Variants in CEP112 observed in about 807,000 individuals in gnomAD.
CEP112 encodes the protein centrosomal protein of 112 kDa.
In CEP112, 127 loss-of-function variants were observed where a neutral mutation model predicts 153.0. That is an observed-to-expected ratio of 0.83 (90% CI 0.72 to 0.96). The LOEUF is 0.96. Among genes scored for constraint, CEP112 ranks in the 40% least tolerant of loss-of-function variants. CEP112 has a pLI of 0.00. For missense variants in CEP112, 1,089 were observed against 1,101.2 expected, an observed-to-expected ratio of 0.99 and a Z score of 0.16; for synonymous variants, 358 against 374.4, an observed-to-expected ratio of 0.96 and a Z score of 0.51.
chr17:65,785,683 GA>G (rs2054242083), intron 21 of CEP112, among the ~76,000 whole-genome samples: 1 of 152,068 alleles, frequency 6.6e-6, no homozygotes. Flanking sequence ...TCATATCTAA[GA>G]ATTCTTTGCC....
intron 4 of CEP112, among the ~76,000 whole-genome samples, chr17:66,149,876 TTTTGTTTGTTTG>T (rs1157928278): frequency 0.025 from 1,816 of 71,594 alleles, 196 homozygotes; most frequent in Admixed American, 0.037. Flanking sequence ...GGGTTTTTTT[TTTTGTTTGTTTG>T]TTTTTTTTTT....
intron 8 of CEP112, among the ~76,000 whole-genome samples, chr17:66,084,043 G>A (rs1347154904): frequency 5.9e-5 from 9 of 152,146 alleles, no homozygotes; most frequent in Admixed American, 5.9e-4. Flanking sequence ...CAGAAGCCTA[G>A]AGAAAAGGCT....
chr17:66,064,344 A>G (rs2067035169), intron 10 of CEP112, among the ~76,000 whole-genome samples: 1 of 152,228 alleles, frequency 6.6e-6, no homozygotes, highest in Non-Finnish European at 1.5e-5. Flanking sequence ...AAAATGAAAT[A>G]GGTTTTAAAT....
At position 65,992,033 on chromosome 17, in the gene CEP112, AAC is replaced by A. The variant is rs1328311877; in HGVS notation, c.1736+13655_1736+13656del. ...TAGGCAATGTTCCATTAAAAAAAAAAACAAACCTAATCAAAATGAAGTTCACT... is the reference window on the plus strand; with the variant it reads ...TAGGCAATGTTCCATTAAAAAAAAAAAAACCTAATCAAAATGAAGTTCACT... On this transcript the variant is annotated intron_variant, in intron 17 of 26. Transcript: ENST00000535342. Among the ~76,000 whole-genome samples the A allele has an allele frequency of 3.3e-5, 5 of 152,156 alleles. No homozygotes were observed. The East Asian group carries it at 9.6e-4, about 29-fold the overall frequency.
chr17:65,973,789 G>A (rs1340649070), intron 17 of CEP112, among the ~76,000 whole-genome samples: 1 of 152,110 alleles, frequency 6.6e-6, no homozygotes, highest in Non-Finnish European at 1.5e-5. Context: ...CGTTTGGGGT[G>A]ATACATATGT....
intron 24 of CEP112, among the ~76,000 whole-genome samples, chr17:65,650,423 G>A (rs1477088617): frequency 6.6e-6 from 1 of 152,120 alleles, no homozygotes; most frequent in Non-Finnish European, 1.5e-5. Flanking sequence ...TGCAACCCAG[G>A]CTCCTAGCAC....
Position 66,031,529 on chromosome 17 carries a change from GCTT to G in CEP112, c.1219-1509_1219-1507del, listed in dbSNP as rs2065484827. Among the ~76,000 whole-genome samples the G allele has an allele frequency of 2.8e-5, 4 of 144,060 alleles. No individual in the cohort carries two copies. In the South Asian group the frequency reaches 8.7e-4, roughly 31 times the overall value. 94.5% of individuals were successfully genotyped at this position (144,060 alleles called of 152,430 possible). On this transcript the variant is annotated intron_variant, in intron 12 of 26. Transcript: ENST00000535342. ...GACAGGGTCTCATAGCGCAATCTTG[GCTT>G]ACTACAGCCTCAACCTCCCAGGCTC...
At chr17:66,141,674 A>C (rs889130344) in intron 4 of CEP112, among the ~76,000 whole-genome samples, 1 of 152,140 alleles carries the variant, frequency 6.6e-6, no homozygotes, top group African/African-American at 2.4e-5. Context: ...ACTCAGCAAA[A>C]GTCCTCCAGC....
intron 23 of CEP112, among the ~76,000 whole-genome samples, chr17:65,716,157 G>C (rs1320562504): frequency 2.7e-5 from 4 of 149,568 alleles, no homozygotes; most frequent in African/African-American, 9.8e-5. Flanking sequence ...TTCTTTCTTT[G>C]TTTTTTTTTT....
At chr17:66,062,395 G>C (rs942043514) in intron 11 of CEP112, among the ~76,000 whole-genome samples, 2 of 151,864 alleles carry the variant, frequency 1.3e-5, no homozygotes. Context: ...TTAGAAGAGA[G>C]GAATTTGAAT....
intron 16 of CEP112, among the ~76,000 whole-genome samples, chr17:66,013,355 A>G (rs1012282966): frequency 6.6e-6 from 1 of 152,108 alleles, no homozygotes; most frequent in African/African-American, 2.4e-5. Flanking sequence ...ATGTCCCTTC[A>G]ACCTTTGAAG....
At chr17:65,703,577 G>A (rs945367974) in intron 23 of CEP112, among the ~76,000 whole-genome samples, 8 of 149,100 alleles carry the variant, frequency 5.4e-5, no homozygotes, top group African/African-American at 2.0e-4. Flanking sequence ...CTACCCAGCT[G>A]CGAAGTCTTG....
chr17:65,834,642 T>G (rs887143555), intron 21 of CEP112, among the ~76,000 whole-genome samples: 1 of 152,046 alleles, frequency 6.6e-6, no homozygotes, highest in Non-Finnish European at 1.5e-5. Flanking sequence ...AAAACAACAA[T>G]GAGATACCAT....
intron 21 of CEP112, among the ~76,000 whole-genome samples, chr17:65,753,407 C>A (rs1294498891): frequency 6.6e-6 from 1 of 152,200 alleles, no homozygotes; most frequent in Non-Finnish European, 1.5e-5. Flanking sequence ...CTTTTCATAA[C>A]CATTTTTTTA....
chr17:66,090,153 C>T (rs1386729198), intron 8 of CEP112, among the ~76,000 whole-genome samples: 3 of 151,932 alleles, frequency 2.0e-5, no homozygotes, highest in Non-Finnish European at 2.9e-5. Context: ...AGTTCATGAC[C>T]ACTAGACTTG....
intron 4 of CEP112, among the ~76,000 whole-genome samples, chr17:66,168,435 A>ATG (rs2072081050): frequency 6.8e-6 from 1 of 147,334 alleles, no homozygotes; most frequent in Non-Finnish European, 1.5e-5. Flanking sequence ...ATATATATGT[A>ATG]TATATATGTG....
intron 8 of CEP112, among the ~76,000 whole-genome samples, chr17:66,076,904 A>T (rs1288327627): frequency 1.3e-5 from 2 of 152,174 alleles, no homozygotes; most frequent in African/African-American, 2.4e-5. Context: ...CCCCAGTACC[A>T]GCCCGGAGCC....
At position 65,994,205 on chromosome 17, in the gene CEP112, G is replaced by A. The variant is rs1311505641; in HGVS notation, c.1736+11485C>T. Among the ~76,000 whole-genome samples, 3 of 152,124 alleles carry A rather than the reference G, an allele frequency of 2.0e-5. No individual in the cohort carries two copies. The East Asian group carries it at 5.8e-4, about 29-fold the overall frequency. ...ATGACAGTAAGATTTCAAAGGACAG[G>A]ATTAGTGCAAGTCTAGAAATGTCAC... On this transcript the variant is annotated intron_variant, in intron 17 of 26. Coordinates refer to ENST00000535342, the MANE Select transcript of CEP112 (RefSeq NM_001199165.4).
At chr17:65,774,904 G>A (rs2053588372) in intron 21 of CEP112, among the ~76,000 whole-genome samples, 1 of 152,182 alleles carries the variant, frequency 6.6e-6, no homozygotes, top group Admixed American at 6.5e-5. Context: ...GGCTTTGGTG[G>A]TATTTGGCTC....
Sources: gnomAD v4.1 joint callset for allele counts (sites outside exome capture counted in the v4.1 genomes callset) on GRCh38, gnomAD v4.1.1 for gene constraint, MANE v1.5 for transcripts, NCBI Gene and HGNC (gene_info 2026-07-23, HGNC 2026-07-21) for gene names.